HSH2D: variants seen among roughly 807,000 people sequenced by gnomAD.
HSH2D encodes hematopoietic SH2 domain-containing protein.
A neutral mutation model predicts 21.5 loss-of-function variants in HSH2D; 16 were observed. The observed-to-expected ratio is 0.74, with a 90% CI of 0.50 to 1.13. The LOEUF is 1.13. HSH2D is among the 50% of genes most tolerant of loss of function. HSH2D has a pLI of 0.00. For synonymous variants in HSH2D, 172 were observed against 184.7 expected, an observed-to-expected ratio of 0.93 and a Z score of 0.56; for missense variants, 418 against 441.4, an observed-to-expected ratio of 0.95 and a Z score of 0.47.
chr19:16,140,089 C>T (rs2090990004), upstream of HSH2D, among the ~76,000 whole-genome samples: 1 of 152,064 alleles, frequency 6.6e-6, no homozygotes, highest in African/African-American at 2.4e-5. Flanking sequence ...AACTCTAAAC[C>T]CCATGCAAAT....
At chr19:16,152,714 T>C (rs1249813361) in intron 3 of HSH2D, 73 bp downstream of exon 3, 2 of 1,106,152 alleles carry the variant, frequency 1.8e-6, no homozygotes, top group Non-Finnish European at 2.7e-6. Flanking sequence ...CAAGGGGTGC[T>C]TCATGTCATA....
At chr19:16,151,230 CAGG>C (rs1468788805) in intron 2 of HSH2D, among the ~76,000 whole-genome samples, 1 of 148,430 alleles carries the variant, frequency 6.7e-6, no homozygotes, top group Non-Finnish European at 1.5e-5. Context: ...GAGGCTGAGG[CAGG>C]AGAATAGCTT....
intron 5 of HSH2D, 42 bp downstream of exon 5, chr19:16,154,533 GGGGCAGGAGTGGA>G (rs1429002201): frequency 7.6e-7 from 1 of 1,320,364 alleles, no homozygotes; most frequent in African/African-American, 1.5e-5. Context: ...ACCTGGCTGA[GGGGCAGGAGTGGA>G]GGTGGTCAAC....
intron 1 of HSH2D, among the ~76,000 whole-genome samples, chr19:16,147,425 A>G (rs1436489943): frequency 6.7e-6 from 1 of 149,490 alleles, no homozygotes; most frequent in Non-Finnish European, 1.5e-5. Flanking sequence ...TCGAGGCTGC[A>G]GTGAGCCAAG....
chr19:16,148,829 G>T lies in HSH2D; in HGVS notation c.79G>T (p.Ala27Ser). 2 of 1,611,570 alleles carry T rather than the reference G, an allele frequency of 1.2e-6. No individual in the cohort carries two copies. The highest frequency in any genetic ancestry group is 1.7e-6 in the Non-Finnish European group (2 of 1,178,554). Residue 27 changes from alanine to serine, a missense_variant, in exon 2 of 6, where the codon GCC becomes TCC. Transcript: ENST00000613986. The part of the protein sequence containing the change: ...WFVHTQMGQL[A>S]QDGVPEWFHG... ...TGTGCACACCCAGATGGGCCAGCTGGCCCAAGACGGGGTCCCCGAGTGGTT... is the reference window on the plus strand; with the variant it reads ...TGTGCACACCCAGATGGGCCAGCTGTCCCAAGACGGGGTCCCCGAGTGGTT...
chr19:16,139,829 C>T (rs974027119), upstream of HSH2D: 2 of 152,230 alleles, frequency 1.3e-5, no homozygotes, highest in African/African-American at 4.8e-5. Flanking sequence ...CGTTATCTCC[C>T]CATCAGGGCA....
intron 2 of HSH2D, chr19:16,151,486 T>C (rs1386621927): frequency 2.2e-6 from 1 of 455,642 alleles, no homozygotes; most frequent in Non-Finnish European, 4.4e-6. Context: ...TTGAGGAAGC[T>C]GAAGGTCAGA....
intron 1 of HSH2D, among the ~76,000 whole-genome samples, chr19:16,144,686 CTTTTTTTTTTT>C (rs35070155): frequency 7.0e-5 from 6 of 85,918 alleles, no homozygotes; most frequent in African/African-American, 2.8e-4. Flanking sequence ...ATTCTAGGCT[CTTTTTTTTTTT>C]TTTTTTTTTT....
At position 16,157,935 on chromosome 19, in the gene HSH2D, G is replaced by A; in HGVS notation, c.*141G>A. On this transcript the variant is annotated 3_prime_UTR_variant, in exon 6 of 6. Transcript: ENST00000613986. This position sits in a 1 kb window ranked among gnomAD's most constrained non-coding sequence, Gnocchi z 4.4. Reference sequence around the variant, plus strand: ...GGAAATGGAATAAAGATGTTTTTGGGGTCTGTTCCTGCACTCACCCATGGG... The same window carrying A: ...GGAAATGGAATAAAGATGTTTTTGGAGTCTGTTCCTGCACTCACCCATGGG... The A allele has an allele frequency of 3.1e-6, 2 of 640,216 alleles. No homozygotes were observed. The highest frequency in any genetic ancestry group is 5.4e-6 in the Non-Finnish European group (2 of 373,806). 39.7% of individuals were successfully genotyped at this position (640,216 alleles called of 1,614,324 possible).
chr19:16,157,199 C>G lies in HSH2D; in HGVS notation c.475-11C>G, dbSNP rs758487790. 5 of 1,519,496 alleles carry G rather than the reference C, an allele frequency of 3.3e-6. No individual in the cohort carries two copies. Among genetic ancestry groups the G allele is most frequent in the South Asian group, 1.3e-5 (1 of 75,356 alleles). The allele number at this position is 1,519,496 out of a possible 1,614,324, so 94.1% of individuals were successfully genotyped here. On this transcript the variant is annotated splice_polypyrimidine_tract_variant and intron_variant, in intron 5 of 5. Coordinates refer to ENST00000613986, the MANE Select transcript of HSH2D (RefSeq NM_001382417.1). This position sits in a 1 kb window ranked among gnomAD's most constrained non-coding sequence, Gnocchi z 4.4. ...CAAGCTGCCCCAGGCCTCCCCTACT[C>G]TCATTTTCAGGCCTCCCCAAAGCCA...
intron 5 of HSH2D, among the ~76,000 whole-genome samples, chr19:16,155,469 T>C (rs563058821): frequency 6.6e-6 from 1 of 151,936 alleles, no homozygotes; most frequent in South Asian, 2.1e-4. Context: ...TATAGATGGA[T>C]TGGGGTTAGT....
Position 16,157,794 on chromosome 19 carries a change from G to C in HSH2D, c.1059G>C (p.Ter353TyrextTer130). 1.3e-6 allele frequency: 2 copies of C among 1,590,472 alleles called. No homozygotes were observed. The highest frequency in any genetic ancestry group is 1.7e-6 in the Non-Finnish European group (2 of 1,172,462). The change falls in exon 6 of 6, where the codon TAG (stop) becomes TAC (tyrosine). Residue 353 changes from the stop codon to tyrosine, a stop_lost. Coordinates refer to ENST00000613986, the MANE Select transcript of HSH2D (RefSeq NM_001382417.1). The surrounding 1 kb of genome is among the most constrained non-coding windows in gnomAD (Gnocchi z 4.4). Reference protein sequence around the residue: ...QPPPFAPGYC* With the variant: ...QPPPFAPGYCY The stretch of plus-strand genomic sequence containing the variant: ...CACCCTTTGCCCCTGGGTACTGCTA[G>C]AGAACAGGTCCACCCTGGCTCTGGG...
rs1568328241 is a variant in HSH2D at position 16,145,032 on chromosome 19, T to TG, written c.-28+1258_-28+1259insG. 3.0e-3 allele frequency among the ~76,000 whole-genome samples: 436 copies of TG among 144,398 alleles called. 2 individuals are homozygous for TG. The highest frequency in any genetic ancestry group is 0.011 in the African/African-American group (407 of 36,786). 94.7% of individuals were successfully genotyped at this position (144,398 alleles called of 152,430 possible). ...TTGTTGGTGGTGATGGGTTTTTTTT[T>TG]TGGGGTTTTTTTTTTTTTTTTTGTG... is the stretch of plus-strand genomic sequence containing the variant. On this transcript the variant is annotated intron_variant, in intron 1 of 5. Coordinates refer to ENST00000613986, the MANE Select transcript of HSH2D (RefSeq NM_001382417.1).
chr19:16,153,766 T>G (rs1245758004), intron 4 of HSH2D, among the ~76,000 whole-genome samples: 1 of 151,718 alleles, frequency 6.6e-6, no homozygotes, highest in African/African-American at 2.4e-5. Flanking sequence ...GCATGTTTCC[T>G]TAGAAGGCCC....
At position 16,148,844 on chromosome 19, in the gene HSH2D, C is replaced by G. The variant is rs1264480783; in HGVS notation, c.94C>G (p.Pro32Ala). The G allele has an allele frequency of 1.2e-6, 2 of 1,613,636 alleles. No homozygotes were observed. Among genetic ancestry groups the G allele is most frequent in the Non-Finnish European group, 1.7e-6 (2 of 1,179,778 alleles). ...GGGCCAGCTGGCCCAAGACGGGGTCCCCGAGTGGTTCCATGGTGCAATCTC... is the reference window on the plus strand; with the variant it reads ...GGGCCAGCTGGCCCAAGACGGGGTCGCCGAGTGGTTCCATGGTGCAATCTC... ...QMGQLAQDGV[P>A]EWFHGAISRE... is the part of the protein sequence containing the mutation. Residue 32 changes from proline (P) to alanine (A), a missense_variant, in exon 2 of 6, where the codon CCC becomes GCC. Physicochemically the swap from Pro to Ala is conservative, Grantham distance 27 (BLOSUM62 -1). Transcript: ENST00000613986.
chr19:16,157,744 C>T lies in HSH2D; in HGVS notation c.1009C>T (p.Leu337Phe). 1 of 1,612,170 alleles carries T rather than the reference C, an allele frequency of 6.2e-7. No individual in the cohort carries two copies. Among genetic ancestry groups the T allele is most frequent in the East Asian group, 2.2e-5 (1 of 44,852 alleles). Residue 337 changes from leucine (L) to phenylalanine (F), a missense_variant, in exon 6 of 6, where the codon CTC becomes TTC. By Grantham distance (22) the Leu-to-Phe change is conservative. Coordinates refer to ENST00000613986, the MANE Select transcript of HSH2D (RefSeq NM_001382417.1). This position sits in a 1 kb window ranked among gnomAD's most constrained non-coding sequence, Gnocchi z 4.4. ...QGLAEPENDQ[L>F]PEEYQQPPPF... ...CTTGGCAGAGCCTGAGAACGACCAG[C>T]TCCCGGAGGAGTACCAACAACCGCC...
chr19:16,157,750 G>A lies in HSH2D; in HGVS notation c.1015G>A (p.Glu339Lys). The change falls in exon 6 of 6, where the codon GAG (glutamate) becomes AAG (lysine). Residue 339 changes from glutamate (E) to lysine (K), a missense_variant. By Grantham distance (56) the Glu-to-Lys change is moderately conservative (BLOSUM62 1). Coordinates refer to ENST00000613986, the MANE Select transcript of HSH2D (RefSeq NM_001382417.1). The surrounding 1 kb of genome is among the most constrained non-coding windows in gnomAD (Gnocchi z 4.4). Reference sequence around the variant, plus strand: ...AGAGCCTGAGAACGACCAGCTCCCGGAGGAGTACCAACAACCGCCACCCTT... The same window carrying A: ...AGAGCCTGAGAACGACCAGCTCCCGAAGGAGTACCAACAACCGCCACCCTT... Reference protein sequence around the residue: ...LAEPENDQLPEEYQQPPPFAP... With the variant: ...LAEPENDQLPKEYQQPPPFAP... 1 of 1,611,704 alleles carries A rather than the reference G, an allele frequency of 6.2e-7. No individual in the cohort carries two copies. The highest frequency in any genetic ancestry group is 1.1e-5 in the South Asian group (1 of 90,966).
upstream of HSH2D, among the ~76,000 whole-genome samples, chr19:16,142,667 T>G (rs1406941634): frequency 2.0e-5 from 3 of 152,078 alleles, no homozygotes; most frequent in Non-Finnish European, 4.4e-5. Context: ...TTCTCCATGT[T>G]GGTCAGGCTG....
chr19:16,142,409 T>TTTTTTTGTTTGTTTGGGG (rs1224691155), upstream of HSH2D, among the ~76,000 whole-genome samples: 1 of 152,200 alleles, frequency 6.6e-6, no homozygotes, highest in African/African-American at 2.4e-5. Flanking sequence ...CCCCTTTGGA[T>TTTTTTTGTTTGTTTGGGG]TTTTTTGTTT....
Sources: gnomAD v4.1 joint callset for allele counts (sites outside exome capture counted in the v4.1 genomes callset) on GRCh38, gnomAD v4.1.1 for gene constraint, Gnocchi (gnomAD v3.1) non-coding constraint, MANE v1.5 for transcripts, NCBI Gene and HGNC (gene_info 2026-07-23, HGNC 2026-07-21) for gene names.